The following PTPRO variants were observed in gnomAD, a reference collection of about 807,000 sequenced individuals.
PTPRO encodes receptor-type tyrosine-protein phosphatase O.
A neutral mutation model predicts 145.2 loss-of-function variants in PTPRO; 62 were observed. The ratio of observed to expected loss-of-function variants is 0.43; its 90% CI spans 0.35 to 0.53. The LOEUF (loss-of-function observed/expected upper bound fraction) is 0.53, where lower values mean the gene tolerates loss of function less well. Among genes scored for constraint, PTPRO ranks in the 20% least tolerant of loss-of-function variants. The pLI, the probability that PTPRO is intolerant of heterozygous loss-of-function variation, is 0.01. For synonymous variants in PTPRO, 565 were observed against 514.7 expected, an observed-to-expected ratio of 1.10 and a Z score of -1.32; for missense variants, 1,345 against 1,482.7, an observed-to-expected ratio of 0.91 and a Z score of 1.53.
chr12:15,546,996 T>C (rs1206698044), intron 13 of PTPRO, among the ~76,000 whole-genome samples: 1 of 152,316 alleles, frequency 6.6e-6, no homozygotes, highest in East Asian at 1.9e-4. Context: ...AGAAAGACCC[T>C]ACAATATAAA....
intron 4 of PTPRO, 100 bp from the exon 5 acceptor site, chr12:15,501,520 C>A: frequency 8.8e-7 from 1 of 1,140,908 alleles, no homozygotes; most frequent in Non-Finnish European, 1.3e-6. Flanking sequence ...TTAAATTCCA[C>A]TTTTAAAAAT....
chr12:15,556,169 G>C (rs1179878600), intron 15 of PTPRO, among the ~76,000 whole-genome samples: 2 of 152,044 alleles, frequency 1.3e-5, no homozygotes, highest in East Asian at 3.9e-4. Context: ...TAAAACCCTT[G>C]AGTTACAGGT....
At chr12:15,463,619 T>G in intron 1 of PTPRO, among the ~76,000 whole-genome samples, 1 of 152,158 alleles carries the variant, frequency 6.6e-6, no homozygotes, top group South Asian at 2.1e-4. Context: ...CACCATTATA[T>G]CATTCAATAT....
intron 1 of PTPRO, among the ~76,000 whole-genome samples, chr12:15,424,876 C>T (rs1036577011): frequency 2.6e-5 from 4 of 151,980 alleles, no homozygotes; most frequent in African/African-American, 7.2e-5. Flanking sequence ...CTGTGCAGGT[C>T]GTGAAGTCAG....
intron 1 of PTPRO, among the ~76,000 whole-genome samples, chr12:15,471,815 G>A (rs768289417): frequency 6.6e-6 from 1 of 152,138 alleles, no homozygotes; most frequent in Non-Finnish European, 1.5e-5. Flanking sequence ...GCCATCTCTG[G>A]CCTTTGAGAT....
At chr12:15,534,935 G>A (rs193109748) in intron 12 of PTPRO, among the ~76,000 whole-genome samples, 217 of 152,238 alleles carry the variant, frequency 1.4e-3, no homozygotes, top group Non-Finnish European at 2.5e-3. Context: ...CTTTGACTAC[G>A]GTGGTTGTAA....
chr12:15,520,982 C>T (rs1001292359), intron 10 of PTPRO, among the ~76,000 whole-genome samples: 1 of 152,050 alleles, frequency 6.6e-6, no homozygotes, highest in Non-Finnish European at 1.5e-5. Flanking sequence ...CTTAGATCCT[C>T]GGAAACCTTA....
chr12:15,405,144 C>T (rs1371629126), intron 1 of PTPRO, among the ~76,000 whole-genome samples: 1 of 152,150 alleles, frequency 6.6e-6, no homozygotes, highest in Non-Finnish European at 1.5e-5. Flanking sequence ...TTTGGGGTGA[C>T]ATAAACATTT....
At position 15,571,294 on chromosome 12, in the gene PTPRO, T is replaced by A. The variant is rs116294509; in HGVS notation, c.2829+1796T>A. ...CTTTTTCTGTCACTTTTGTTTTGTTTTGTTTTGTTTTTTGAGACAGTCTCA... is the reference window on the plus strand; with the variant it reads ...CTTTTTCTGTCACTTTTGTTTTGTTATGTTTTGTTTTTTGAGACAGTCTCA... On this transcript the variant is annotated intron_variant, in intron 19 of 26. Coordinates refer to ENST00000281171, the MANE Select transcript of PTPRO (RefSeq NM_030667.3). Among the ~76,000 whole-genome samples the A allele has an allele frequency of 4.0e-3, 589 of 147,936 alleles. 1 individual carries two copies. The highest frequency in any genetic ancestry group is 0.04 in the Middle Eastern group (11 of 278).
intron 12 of PTPRO, among the ~76,000 whole-genome samples, chr12:15,527,380 T>C (rs1043960196): frequency 1.3e-5 from 2 of 152,322 alleles, no homozygotes; most frequent in Non-Finnish European, 2.9e-5. Context: ...TTGGGCTCCC[T>C]GGCAGGAAAT....
intron 6 of PTPRO, among the ~76,000 whole-genome samples, chr12:15,508,096 T>C (rs1277521952): frequency 6.6e-6 from 1 of 152,200 alleles, no homozygotes; most frequent in Admixed American, 6.5e-5. Flanking sequence ...TTCTCTAATA[T>C]AATCACAGCC....
chr12:15,388,535 T>C (rs1232202752), intron 1 of PTPRO, among the ~76,000 whole-genome samples: 1 of 152,210 alleles, frequency 6.6e-6, no homozygotes, highest in Admixed American at 6.5e-5. Flanking sequence ...GATAAGGCAC[T>C]AGTGTCTGAG....
intron 2 of PTPRO, among the ~76,000 whole-genome samples, chr12:15,494,841 T>C (rs955756130): frequency 2.6e-5 from 4 of 152,184 alleles, no homozygotes; most frequent in African/African-American, 7.2e-5. Flanking sequence ...GAAACCCTGA[T>C]GAGGATGTGA....
intron 2 of PTPRO, among the ~76,000 whole-genome samples, chr12:15,491,497 T>C (rs1233360073): frequency 6.6e-6 from 1 of 152,232 alleles, no homozygotes; most frequent in African/African-American, 2.4e-5. Context: ...CTCTCTTGAA[T>C]GATTCAAAGA....
intron 1 of PTPRO, among the ~76,000 whole-genome samples, chr12:15,393,207 A>T (rs1261976532): frequency 1.3e-5 from 2 of 152,034 alleles, no homozygotes; most frequent in Non-Finnish European, 2.9e-5. Context: ...AACCAGTAAA[A>T]CTAACATGAA....
intron 1 of PTPRO, among the ~76,000 whole-genome samples, chr12:15,474,516 A>G (rs572481846): frequency 6.6e-6 from 1 of 152,310 alleles, no homozygotes; most frequent in African/African-American, 2.4e-5. Context: ...CCTGACATCA[A>G]TTTGCTGTGT....
chr12:15,406,374 C>T (rs1441855752), intron 1 of PTPRO, among the ~76,000 whole-genome samples: 1 of 152,176 alleles, frequency 6.6e-6, no homozygotes, highest in South Asian at 2.1e-4. Context: ...AAATGAAATT[C>T]GTGTTTCTGG....
At chr12:15,458,482 A>C (rs1001838633) in intron 1 of PTPRO, among the ~76,000 whole-genome samples, 1 of 151,948 alleles carries the variant, frequency 6.6e-6, no homozygotes, top group African/African-American at 2.4e-5. Flanking sequence ...TATATAGGCC[A>C]CTTGATGGTG....
At chr12:15,454,734 A>C (rs528902902) in intron 1 of PTPRO, among the ~76,000 whole-genome samples, 31 of 152,288 alleles carry the variant, frequency 2.0e-4, no homozygotes, top group African/African-American at 7.5e-4. Context: ...TTAAGTCTTC[A>C]ATACATTTTG....
Sources: gnomAD v4.1 joint callset for allele counts (sites outside exome capture counted in the v4.1 genomes callset) on GRCh38, gnomAD v4.1.1 for gene constraint, MANE v1.5 for transcripts, NCBI Gene and HGNC (gene_info 2026-07-23, HGNC 2026-07-21) for gene names.